Variants in KIRREL1 observed in about 807,000 individuals in gnomAD.
KIRREL1 encodes the protein kirre like nephrin family adhesion molecule 1.
KIRREL1 carries 25 observed loss-of-function variants against 83.3 expected under a neutral mutation model. That is an observed-to-expected ratio of 0.30 (90% CI 0.22 to 0.42). The LOEUF (loss-of-function observed/expected upper bound fraction) is 0.42. Among genes scored for constraint, KIRREL1 ranks in the 10% least tolerant of loss-of-function variants. The probability of loss-of-function intolerance (pLI) is 1.00; values close to 1 mark genes in which losing one functional copy is unlikely to be tolerated. For missense variants in KIRREL1, 812 were observed against 1,032.3 expected, an observed-to-expected ratio of 0.79 and a Z score of 2.92; for synonymous variants, 388 against 410.4, an observed-to-expected ratio of 0.95 and a Z score of 0.66.
chr1:157,993,777 G>A, intron 1 of KIRREL1, 49 bp downstream of exon 1: 1 of 1,282,398 alleles, frequency 7.8e-7, no homozygotes, highest in Non-Finnish European at 1.1e-6. Flanking sequence ...CCCCGGGGCC[G>A]GGGCACTGCT....
chr1:158,093,762 G>T lies in KIRREL1; in HGVS notation c.1719G>T (p.Ser573=), dbSNP rs775972062. Residue 573 remains serine (S), a splice_region_variant and synonymous_variant, in exon 13 of 15, where the codon TCG becomes TCT. Coordinates refer to ENST00000359209, the MANE Select transcript of KIRREL1 (RefSeq NM_018240.7). ...CCCGGGTCATGAAGGCCATCTACTC[G>T]GTGAGGGTCCTGCTCCTCTCTGGCC... ...TATRVMKAIY[S]SFKDDVDLKQ... 1 of 1,614,012 alleles carries T rather than the reference G, an allele frequency of 6.2e-7. No homozygotes were observed. The highest frequency in any genetic ancestry group is 8.5e-7 in the Non-Finnish European group (1 of 1,179,988).
intron 1 of KIRREL1, among the ~76,000 whole-genome samples, chr1:158,036,574 G>A (rs574089304): frequency 1.3e-5 from 2 of 152,252 alleles, no homozygotes; most frequent in South Asian, 4.1e-4. Flanking sequence ...GAGCGGCAAG[G>A]TTCACGGAGG....
intron 1 of KIRREL1, among the ~76,000 whole-genome samples, chr1:158,058,647 A>C (rs1661130703): frequency 6.6e-6 from 1 of 152,180 alleles, no homozygotes; most frequent in Admixed American, 6.5e-5. Flanking sequence ...TTGCAGCTCA[A>C]AGGTCTTTAT....
At position 158,047,194 on chromosome 1, in the gene KIRREL1, C is replaced by T. The variant is rs150825936; in HGVS notation, c.53-28919C>T. 5.3e-5 allele frequency among the ~76,000 whole-genome samples: 8 copies of T among 152,330 alleles called. No individual in the cohort carries two copies. In the East Asian group the frequency reaches 9.6e-4, roughly 18 times the overall value. On this transcript the variant is annotated intron_variant, in intron 1 of 14. Coordinates refer to ENST00000359209, the MANE Select transcript of KIRREL1 (RefSeq NM_018240.7). Reference sequence around the variant, plus strand: ...AGCCTAAATAAGAATTTTGTGCATCCATGTATTTGCTCATTCAGGAAGTCA... The same window carrying T: ...AGCCTAAATAAGAATTTTGTGCATCTATGTATTTGCTCATTCAGGAAGTCA...
At position 158,076,154 on chromosome 1, in the gene KIRREL1, G is replaced by T. The variant is rs1420810100; in HGVS notation, c.94G>T (p.Val32Leu). 1 of 1,614,144 alleles carries T rather than the reference G, an allele frequency of 6.2e-7. No homozygotes were observed. The highest frequency in any genetic ancestry group is 8.5e-7 in the Non-Finnish European group (1 of 1,179,994). ...RFSQEPADQT[V>L]VAGQRAVLPC... ...CAGCCAGGAGCCAGCTGACCAGACG[G>T]TGGTGGCTGGACAGCGGGCCGTGCT... Residue 32 changes from valine (V) to leucine (L), a missense_variant, in exon 2 of 15, where the codon GTG becomes TTG. Val to Leu is a conservative substitution (Grantham distance 32). This residue lies in a region of KIRREL1 where 472 missense variants were observed against 626.8 expected (regional missense o/e 0.75). Coordinates refer to ENST00000359209, the MANE Select transcript of KIRREL1 (RefSeq NM_018240.7).
At chr1:158,048,464 C>A (rs1276839279) in intron 1 of KIRREL1, among the ~76,000 whole-genome samples, 4 of 152,106 alleles carry the variant, frequency 2.6e-5, no homozygotes, top group Non-Finnish European at 4.4e-5. Context: ...GGCGTTTTTT[C>A]AGCATGATTG....
In KIRREL1 at chr1:158,095,389, ACAGGGAAAGTGAAGGT is replaced by A. The variant is rs2101650870; in HGVS notation, c.*270_*285del. Reference sequence around the variant, plus strand: ...ACTCTTGCCTGACCCTAGAATGGGGACAGGGAAAGTGAAGGTTAGGGAAAGCAGAGGGGGGCACTTT... The same window carrying A: ...ACTCTTGCCTGACCCTAGAATGGGGATAGGGAAAGCAGAGGGGGGCACTTT... On this transcript the variant is annotated 3_prime_UTR_variant, in exon 15 of 15. Transcript: ENST00000359209. 2.6e-6 allele frequency: 1 copy of A among 390,084 alleles called. No homozygotes were observed. Among genetic ancestry groups the A allele is most frequent in the East Asian group, 4.2e-5 (1 of 23,570 alleles). 24.2% of individuals were successfully genotyped at this position (390,084 alleles called of 1,614,324 possible).
chr1:158,067,555 G>C (rs902317556), intron 1 of KIRREL1, among the ~76,000 whole-genome samples: 1 of 152,228 alleles, frequency 6.6e-6, no homozygotes, highest in Admixed American at 6.5e-5. Flanking sequence ...AGATGGGAAG[G>C]CCCTTGGGGG....
intron 1 of KIRREL1, among the ~76,000 whole-genome samples, chr1:158,016,303 CA>C (rs10710009): frequency 0.93 from 135,367 of 145,100 alleles, 63,220 homozygotes; most frequent in East Asian, 1. Context: ...GACTCTGTCT[CA>C]AAAAAAAAAA....
chr1:157,997,865 T>C (rs1485327601), intron 1 of KIRREL1, among the ~76,000 whole-genome samples: 1 of 152,180 alleles, frequency 6.6e-6, no homozygotes, highest in Non-Finnish European at 1.5e-5. Flanking sequence ...CCCCATTTCA[T>C]GGATGAGAAA....
intron 1 of KIRREL1, among the ~76,000 whole-genome samples, chr1:158,007,885 T>C (rs141043961): frequency 4.6e-5 from 7 of 152,162 alleles, no homozygotes; most frequent in Admixed American, 1.3e-4. Flanking sequence ...TCTGTTGGTC[T>C]GTCACTCTGC....
chr1:158,001,187 A>C (rs1659350769), intron 1 of KIRREL1, among the ~76,000 whole-genome samples: 1 of 152,170 alleles, frequency 6.6e-6, no homozygotes, highest in South Asian at 2.1e-4. Context: ...GATGTGTGGA[A>C]AGAGGAAGGA....
chr1:158,006,342 T>G (rs1010385428), intron 1 of KIRREL1, among the ~76,000 whole-genome samples: 4 of 152,172 alleles, frequency 2.6e-5, no homozygotes, highest in African/African-American at 7.2e-5. Flanking sequence ...GCCTGAACCT[T>G]CCCTGCTCCT....
rs1410944168 is a variant in KIRREL1 at position 158,009,643 on chromosome 1, A to G, written c.52+15915A>G. On this transcript the variant is annotated intron_variant, in intron 1 of 14. Transcript: ENST00000359209. ...CCTTGTGCTGCTTCTAGGGTGTGCT[A>G]TTGAGAAAAGTCATGGCAGCCTGTT... Among the ~76,000 whole-genome samples the G allele has an allele frequency of 2.6e-5, 4 of 152,224 alleles. 1 individual carries two copies. Among genetic ancestry groups the G allele is most frequent in the African/African-American group, 9.6e-5 (4 of 41,460 alleles).
intron 4 of KIRREL1, among the ~76,000 whole-genome samples, chr1:158,084,867 C>T (rs1267726439): frequency 6.6e-6 from 1 of 152,236 alleles, no homozygotes; most frequent in East Asian, 1.9e-4. Context: ...ATGCTAAACA[C>T]TTTATGGACA....
chr1:158,020,075 G>T (rs1033962911), intron 1 of KIRREL1, among the ~76,000 whole-genome samples: 1 of 152,074 alleles, frequency 6.6e-6, no homozygotes, highest in Non-Finnish European at 1.5e-5. Context: ...TGATGGCTGT[G>T]CAGGGAGCAC....
intron 1 of KIRREL1, among the ~76,000 whole-genome samples, chr1:158,053,578 T>C (rs1408190392): frequency 6.6e-6 from 1 of 152,182 alleles, no homozygotes; most frequent in East Asian, 1.9e-4. Flanking sequence ...CCACATTTCC[T>C]GGTTTGAGGC....
chr1:158,022,982 C>T (rs957607098), intron 1 of KIRREL1, among the ~76,000 whole-genome samples: 9 of 152,206 alleles, frequency 5.9e-5, no homozygotes, highest in Admixed American at 1.3e-4. Flanking sequence ...TGAGGGTCCA[C>T]GGGTGTCTTC....
At chr1:158,036,288 G>A (rs139170141) in intron 1 of KIRREL1, among the ~76,000 whole-genome samples, 45 of 152,194 alleles carry the variant, frequency 3.0e-4, no homozygotes, top group African/African-American at 1.0e-3. Flanking sequence ...AACTTATTCA[G>A]ATAAATACTG....
Sources: gnomAD v4.1 joint callset for allele counts (sites outside exome capture counted in the v4.1 genomes callset) on GRCh38, gnomAD v4.1.1 for gene constraint, gnomAD v4.1.1 regional missense constraint, MANE v1.5 for transcripts, NCBI Gene and HGNC (gene_info 2026-07-23, HGNC 2026-07-21) for gene names.